Variants in C19orf44 observed in about 807,000 individuals in gnomAD.
The protein encoded by C19orf44 is uncharacterized protein C19orf44.
A neutral mutation model predicts 50.7 loss-of-function variants in C19orf44; 43 were observed. The ratio of observed to expected loss-of-function variants is 0.85; its 90% CI spans 0.66 to 1.09. C19orf44 has a LOEUF of 1.09. C19orf44 is among the 50% of genes least tolerant of loss of function. C19orf44 has a pLI of 0.00. For missense variants in C19orf44, 722 were observed against 836.2 expected, an observed-to-expected ratio of 0.86 and a Z score of 1.68; for synonymous variants, 298 against 334.7, an observed-to-expected ratio of 0.89 and a Z score of 1.20.
rs1198604649 is a variant in C19orf44, at chr19:16,503,270, ACT to A, written c.967_968del (p.Ser325PhefsTer16). 1.9e-6 allele frequency: 3 copies of A among 1,613,874 alleles called. No homozygotes were observed. The highest frequency in any genetic ancestry group is 2.5e-6 in the Non-Finnish European group (3 of 1,179,980). On this transcript the variant is annotated frameshift_variant, in exon 3 of 9. Transcript: ENST00000221671. LOFTEE classifies it high-confidence loss of function. ...GTTTCCATCACAGGCGCCTTTTCAA[ACT>A]CAGTGTCTTTAAAGATGGGGCATGT...
At chr19:16,510,013 C>T (rs769078809) in intron 5 of C19orf44, 25 bp downstream of exon 5, 38 of 1,613,872 alleles carry the variant, frequency 2.4e-5, no homozygotes, top group Non-Finnish European at 2.8e-5. Context: ...CCGTGGGGGC[C>T]GGGGCAGCCG....
In C19orf44 at chr19:16,509,895, A is replaced by C; in HGVS notation, c.1546A>C (p.Arg516=). 1 of 1,614,264 alleles carries C rather than the reference A, an allele frequency of 6.2e-7. No homozygotes were observed. Among genetic ancestry groups the C allele is most frequent in the Non-Finnish European group, 8.5e-7 (1 of 1,180,048 alleles). Residue 516 remains arginine, a synonymous_variant, in exon 5 of 9, where the codon AGG becomes CGG. Transcript: ENST00000221671. ...AGACCTTCCACAAACAGCCGAGTCT[A>C]GGAAAAAGTCGGGCAGGCACGTGAC... ...KTDLPQTAES[R]KKSGRHVTRV... is the part of the protein sequence containing the mutation.
Position 16,513,058 on chromosome 19 carries a change from G to C in C19orf44, c.1684G>C (p.Val562Leu). 6.2e-7 allele frequency: 1 copy of C among 1,613,784 alleles called. No homozygotes were observed. The highest frequency in any genetic ancestry group is 8.5e-7 in the Non-Finnish European group (1 of 1,180,022). The change falls in exon 6 of 9, where the codon GTG becomes CTG. Residue 562 changes from valine to leucine, a missense_variant. Coordinates refer to ENST00000221671, the MANE Select transcript of C19orf44 (RefSeq NM_032207.4). The stretch of plus-strand genomic sequence containing the variant: ...GGGGCCTGCCCTGGGAGGCGCCTAC[G>C]TGGACCCGACACCCATCGCCAATCA... ...AMGPALGGAY[V>L]DPTPIANHVI...
At chr19:16,505,005 G>T (rs1247534702) in intron 3 of C19orf44, among the ~76,000 whole-genome samples, 1 of 151,804 alleles carries the variant, frequency 6.6e-6, no homozygotes, top group Admixed American at 6.6e-5. Context: ...TTTTAATAGA[G>T]ACAGGGTTTC....
chr19:16,509,733 AAC>A lies in C19orf44; in HGVS notation c.1388_1389del (p.Thr463SerfsTer10), dbSNP rs776923708. Reference protein sequence around the residue: ...MQPPSEAPMVNTVSSAYSEDF... With the variant: ...MQPPSEAPMVXTVSSAYSEDF... ...GCCACCATCTGAAGCCCCCATGGTG[AAC>A]ACAGTCAGCTCAGCTTATTCGGAGG... On this transcript the variant is annotated frameshift_variant, in exon 5 of 9. Coordinates refer to ENST00000221671, the MANE Select transcript of C19orf44 (RefSeq NM_032207.4). LOFTEE classifies it high-confidence loss of function. The A allele has an allele frequency of 6.2e-7, 1 of 1,614,244 alleles. No individual in the cohort carries two copies. The highest frequency in any genetic ancestry group is 2.2e-5 in the East Asian group (1 of 44,886).
At position 16,510,559 on chromosome 19, in the gene C19orf44, G is replaced by A. The variant is rs376995241; in HGVS notation, c.1639+571G>A. 1.8e-4 allele frequency among the ~76,000 whole-genome samples: 28 copies of A among 152,146 alleles called. No individual in the cohort carries two copies. In the East Asian group the frequency reaches 4.6e-3, roughly 25 times the overall value. On this transcript the variant is annotated intron_variant, in intron 5 of 8. Coordinates refer to ENST00000221671, the MANE Select transcript of C19orf44 (RefSeq NM_032207.4). ...TAGCACCTCCCACAGGATGATTCAC[G>A]GGGGGACTCCAGCAAGGTCTGGAGA...
rs972590017 is a variant in C19orf44 at position 16,520,726 on chromosome 19, G to A, written c.*673G>A. ...AAACACCGCCCCATAGGCACAGGCT[G>A]TGTGAGGGTGGACGTGATGAGTGTA... is the stretch of plus-strand genomic sequence containing the variant. On this transcript the variant is annotated 3_prime_UTR_variant, in exon 9 of 9. Coordinates refer to ENST00000221671, the MANE Select transcript of C19orf44 (RefSeq NM_032207.4). The surrounding 1 kb of genome is among the most constrained non-coding windows in gnomAD (Gnocchi z 4.0). 4 of 1,273,858 alleles carry A rather than the reference G, an allele frequency of 3.1e-6. No homozygotes were observed. The highest frequency in any genetic ancestry group is 1.7e-5 in the Admixed American group (1 of 59,140). The allele number at this position is 1,273,858 out of a possible 1,614,324, so 78.9% of individuals were successfully genotyped here. A position where few individuals can be genotyped will look rare whatever the true frequency, so the allele number is the denominator to read the frequency against.
intron 7 of C19orf44, among the ~76,000 whole-genome samples, chr19:16,514,972 C>T (rs2093467787): frequency 6.6e-6 from 1 of 152,250 alleles, no homozygotes; most frequent in Non-Finnish European, 1.5e-5. Flanking sequence ...GGTCCTGTCC[C>T]TTTCCCTGAG....
chr19:16,520,370 C>G lies in C19orf44; in HGVS notation c.*317C>G. On this transcript the variant is annotated 3_prime_UTR_variant, in exon 9 of 9. Coordinates refer to ENST00000221671, the MANE Select transcript of C19orf44 (RefSeq NM_032207.4). This position sits in a 1 kb window ranked among gnomAD's most constrained non-coding sequence, Gnocchi z 4.0. ...TGAGGCAGCCTCTGCCTACCTAGAT[C>G]TGGAGCGGGAGTAGGAACGGGAGCA... is the stretch of plus-strand genomic sequence containing the variant. 6.2e-7 allele frequency: 1 copy of G among 1,612,438 alleles called. No homozygotes were observed. Among genetic ancestry groups the G allele is most frequent in the Non-Finnish European group, 8.5e-7 (1 of 1,178,888 alleles).
rs2085594821 is a variant in C19orf44 at position 16,520,063 on chromosome 19, C to T, written c.*41-31C>T. The T allele has an allele frequency of 4.3e-6, 6 of 1,409,628 alleles. No homozygotes were observed. Among genetic ancestry groups the T allele is most frequent in the Non-Finnish European group, 5.9e-6 (6 of 1,008,918 alleles). The allele number at this position is 1,409,628 out of a possible 1,614,324, so 87.3% of individuals were successfully genotyped here. A position where few individuals can be genotyped will look rare whatever the true frequency, so the allele number is the denominator to read the frequency against. Reference sequence around the variant, plus strand: ...AATGCTGGCGGCCTCCTAACACAGTCTCCTAACCACCAATGTTTCCACATT... The same window carrying T: ...AATGCTGGCGGCCTCCTAACACAGTTTCCTAACCACCAATGTTTCCACATT... On this transcript the variant is annotated intron_variant, in intron 8 of 8. Transcript: ENST00000221671. The surrounding 1 kb of genome is among the most constrained non-coding windows in gnomAD (Gnocchi z 4.0).
chr19:16,510,123 T>C, intron 5 of C19orf44, 135 bp downstream of exon 5: 2 of 1,408,304 alleles, frequency 1.4e-6, no homozygotes, highest in Admixed American at 3.9e-5. Context: ...CCTGGAGGGG[T>C]TGGCCAAGCA....
intron 1 of C19orf44, 77 bp from the exon 2 acceptor site, chr19:16,500,715 T>C: frequency 1.4e-6 from 2 of 1,409,166 alleles, no homozygotes; most frequent in Non-Finnish European, 1.9e-6. Flanking sequence ...GTGTGAGCTT[T>C]TGCCAAGTAG....
chr19:16,520,101 C>T lies in C19orf44; in HGVS notation c.*48C>T, dbSNP rs1484217756. On this transcript the variant is annotated 3_prime_UTR_variant, in exon 9 of 9. Transcript: ENST00000221671. The surrounding 1 kb of genome is among the most constrained non-coding windows in gnomAD (Gnocchi z 4.0). Reference sequence around the variant, plus strand: ...ATGTTTCCACATTCACAGCAAAGCACCGCAGCTTCCCAGAGTTACCAGCGC... The same window carrying T: ...ATGTTTCCACATTCACAGCAAAGCATCGCAGCTTCCCAGAGTTACCAGCGC... The T allele has an allele frequency of 1.9e-6, 3 of 1,572,442 alleles. No homozygotes were observed. The highest frequency in any genetic ancestry group is 1.4e-5 in the African/African-American group (1 of 74,036).
Position 16,520,490 on chromosome 19 carries a change from C to T in C19orf44, c.*437C>T, listed in dbSNP as rs759063404. 3.2e-5 allele frequency: 51 copies of T among 1,613,392 alleles called. No individual in the cohort carries two copies. The highest frequency in any genetic ancestry group is 6.7e-5 in the Admixed American group (4 of 59,952). ...ACGCCCTCGACTCTTGGATCTGCTCCGAGACCTCGAGGGTCCGCTGTGGGG... is the reference window on the plus strand; with the variant it reads ...ACGCCCTCGACTCTTGGATCTGCTCTGAGACCTCGAGGGTCCGCTGTGGGG... On this transcript the variant is annotated 3_prime_UTR_variant, in exon 9 of 9. Coordinates refer to ENST00000221671, the MANE Select transcript of C19orf44 (RefSeq NM_032207.4). This position sits in a 1 kb window ranked among gnomAD's most constrained non-coding sequence, Gnocchi z 4.0.
rs190040908 is a variant in C19orf44 at position 16,509,362 on chromosome 19, C to T, written c.1150-137C>T. On this transcript the variant is annotated intron_variant, in intron 4 of 8. Coordinates refer to ENST00000221671, the MANE Select transcript of C19orf44 (RefSeq NM_032207.4). ...CAGTTCTGTTTAGAATACTCCGTGC[C>T]CACATCTAATGAGGACCTGGTGTGT... 1.2e-4 allele frequency: 141 copies of T among 1,185,564 alleles called. No individual in the cohort carries two copies. The African/African-American group carries it at 1.8e-3, about 15-fold the overall frequency. The allele number at this position is 1,185,564 out of a possible 1,614,324, so 73.4% of individuals were successfully genotyped here.
chr19:16,507,745 G>T (rs1462752114), intron 4 of C19orf44, among the ~76,000 whole-genome samples: 2 of 151,704 alleles, frequency 1.3e-5, no homozygotes, highest in Admixed American at 6.6e-5. Flanking sequence ...ACCTGCCTTG[G>T]CCCCCCAAAG....
intron 3 of C19orf44, among the ~76,000 whole-genome samples, chr19:16,504,611 T>TGG (rs2093435066): frequency 2.6e-5 from 4 of 151,910 alleles, no homozygotes; most frequent in African/African-American, 9.7e-5. Context: ...CTGTTTTTTT[T>TGG]TTTGTTTGTT....
At position 16,520,111 on chromosome 19, in the gene C19orf44, C is replaced by T; in HGVS notation, c.*58C>T. The T allele has an allele frequency of 6.3e-7, 1 of 1,590,660 alleles. No homozygotes were observed. The highest frequency in any genetic ancestry group is 8.6e-7 in the Non-Finnish European group (1 of 1,161,930). On this transcript the variant is annotated 3_prime_UTR_variant, in exon 9 of 9. Coordinates refer to ENST00000221671, the MANE Select transcript of C19orf44 (RefSeq NM_032207.4). The surrounding 1 kb of genome is among the most constrained non-coding windows in gnomAD (Gnocchi z 4.0). ...ATTCACAGCAAAGCACCGCAGCTTCCCAGAGTTACCAGCGCAGCACTTAAG... is the reference window on the plus strand; with the variant it reads ...ATTCACAGCAAAGCACCGCAGCTTCTCAGAGTTACCAGCGCAGCACTTAAG...
At chr19:16,498,354 G>A (rs1314010328) in intron 1 of C19orf44, among the ~76,000 whole-genome samples, 2 of 152,116 alleles carry the variant, frequency 1.3e-5, no homozygotes, top group Admixed American at 6.6e-5. Context: ...CACGATCATA[G>A]CTCACTGCAG....
Sources: gnomAD v4.1 joint callset for allele counts (sites outside exome capture counted in the v4.1 genomes callset) on GRCh38, gnomAD v4.1.1 for gene constraint, Gnocchi (gnomAD v3.1) non-coding constraint, MANE v1.5 for transcripts, NCBI Gene and HGNC (gene_info 2026-07-23, HGNC 2026-07-21) for gene names.